Variants in COA1 observed in about 807,000 individuals in gnomAD.
The protein encoded by COA1 is cytochrome c oxidase assembly factor 1, also known as cytochrome c oxidase assembly factor 1 homolog.
A neutral mutation model predicts 16.0 loss-of-function variants in COA1; 13 were observed. That is an observed-to-expected ratio of 0.81 (90% CI 0.53 to 1.29). COA1 has a LOEUF of 1.29. Ranked by LOEUF, COA1 falls within the 50% of genes most tolerant of loss-of-function variation. The pLI is 0.00. For missense variants in COA1, 179 were observed against 177.0 expected (o/e 1.01, Z -0.06); for synonymous variants, 65 against 65.7 (o/e 0.99, Z 0.05).
intron 1 of COA1, among the ~76,000 whole-genome samples, chr7:43,651,591 G>A (rs2090786873): frequency 6.6e-6 from 1 of 151,350 alleles, no homozygotes; most frequent in African/African-American, 2.4e-5. Flanking sequence ...AACAGCCAGG[G>A]AGTTCAAGCC....
chr7:43,648,552 AC>A, intron 2 of COA1, 47 bp downstream of exon 2: 6 of 1,601,824 alleles, frequency 3.7e-6, no homozygotes, highest in Non-Finnish European at 5.1e-6. Flanking sequence ...ACTCGAGAAT[AC>A]CCTGGCAGGT....
At chr7:43,697,124 AC>A in intron 1 of COA1, among the ~76,000 whole-genome samples, 1 of 151,668 alleles carries the variant, frequency 6.6e-6, no homozygotes. Context: ...ATCTCAAAAA[AC>A]AAAAAACAAA....
At chr7:43,708,841 C>A (rs1314113218) in intron 1 of COA1, among the ~76,000 whole-genome samples, 2 of 152,112 alleles carry the variant, frequency 1.3e-5, no homozygotes, top group East Asian at 1.9e-4. Flanking sequence ...AGAGTTGCAA[C>A]CATCTTTTCC....
At chr7:43,706,794 T>C (rs2094997829) in intron 1 of COA1, among the ~76,000 whole-genome samples, 1 of 150,494 alleles carries the variant, frequency 6.6e-6, no homozygotes, top group Non-Finnish European at 1.5e-5. Context: ...TGCTTGAGTC[T>C]GGGAGGCTGA....
intron 1 of COA1, among the ~76,000 whole-genome samples, chr7:43,673,632 C>A (rs1197201287): frequency 6.6e-6 from 1 of 152,284 alleles, no homozygotes; most frequent in East Asian, 1.9e-4. Flanking sequence ...ACCCAGCAAT[C>A]TCATTATTGC....
intron 1 of COA1, among the ~76,000 whole-genome samples, chr7:43,715,379 G>A (rs1585411138): frequency 6.6e-6 from 1 of 151,950 alleles, no homozygotes; most frequent in East Asian, 1.9e-4. Context: ...TCGGAAGGCT[G>A]AGGCAGGAGA....
intron 3 of COA1, 191 bp downstream of exon 3, chr7:43,647,344 G>A (rs1056854423): frequency 1.5e-5 from 9 of 601,294 alleles, no homozygotes; most frequent in East Asian, 8.3e-5. Context: ...ATTTGTACTC[G>A]TTGCTCCTGG....
intron 1 of COA1, 133 bp from the exon 2 acceptor site, chr7:43,648,785 A>G: frequency 1.5e-6 from 1 of 654,418 alleles, no homozygotes; most frequent in South Asian, 2.3e-5. Flanking sequence ...ACTCTAAAAC[A>G]AGCCTTGTCT....
chr7:43,683,499 T>G (rs917131131), intron 1 of COA1, among the ~76,000 whole-genome samples: 19 of 152,020 alleles, frequency 1.2e-4, no homozygotes, highest in African/African-American at 3.9e-4. Context: ...CCAGGCATGG[T>G]GGCAGGCACC....
chr7:43,663,872 C>T (rs1376327322), intron 1 of COA1, among the ~76,000 whole-genome samples: 6 of 151,900 alleles, frequency 3.9e-5, no homozygotes, highest in South Asian at 4.2e-4. Context: ...ACACTTTGGG[C>T]GGCCAAGGCA....
intron 1 of COA1, among the ~76,000 whole-genome samples, chr7:43,704,663 T>C (rs1291299438): frequency 6.6e-6 from 1 of 152,202 alleles, no homozygotes; most frequent in Non-Finnish European, 1.5e-5. Context: ...TTCTGGAAGT[T>C]CAGTTTGGTT....
chr7:43,694,543 G>A (rs1326044417), intron 1 of COA1, among the ~76,000 whole-genome samples: 2 of 152,106 alleles, frequency 1.3e-5, no homozygotes, highest in Non-Finnish European at 1.5e-5. Flanking sequence ...CCATACAGCT[G>A]AGCAGTCCTT....
chr7:43,636,258 C>T (rs972376895), downstream of COA1, among the ~76,000 whole-genome samples: 1 of 152,172 alleles, frequency 6.6e-6, no homozygotes, highest in African/African-American at 2.4e-5. Context: ...GAACCAGGAG[C>T]GCATTACTAA....
intron 3 of COA1, 44 bp from the exon 4 acceptor site, chr7:43,645,443 A>G: frequency 6.4e-7 from 1 of 1,574,396 alleles, no homozygotes; most frequent in Non-Finnish European, 8.7e-7. Flanking sequence ...GAACTTGGTC[A>G]GGTAGAATCT....
chr7:43,662,119 T>G (rs2092486758), intron 1 of COA1, among the ~76,000 whole-genome samples: 2 of 152,216 alleles, frequency 1.3e-5, no homozygotes, highest in African/African-American at 4.8e-5. Context: ...GTTTTGGTGT[T>G]GTATCAAAGA....
chr7:43,684,749 A>G (rs1417399930), intron 1 of COA1, among the ~76,000 whole-genome samples: 1 of 152,180 alleles, frequency 6.6e-6, no homozygotes, highest in Non-Finnish European at 1.5e-5. Flanking sequence ...TGCTTGCTCA[A>G]AAAGTGGCAC....
chr7:43,683,239 T>C (rs755766894), intron 1 of COA1, among the ~76,000 whole-genome samples: 5 of 152,186 alleles, frequency 3.3e-5, no homozygotes, highest in African/African-American at 4.8e-5. Flanking sequence ...AGAAAAGTCA[T>C]ATAGTTGTGT....
intron 1 of COA1, among the ~76,000 whole-genome samples, chr7:43,727,899 G>C (rs945046494): frequency 1.3e-5 from 2 of 151,816 alleles, no homozygotes; most frequent in African/African-American, 4.8e-5. Flanking sequence ...AGGTGAAGAA[G>C]ATTACAGCAT....
At chr7:43,647,962 C>A in intron 2 of COA1, 1 of 285,134 alleles carries the variant, frequency 3.5e-6, no homozygotes, top group East Asian at 6.8e-5. Flanking sequence ...CCCCGCATGG[C>A]CAGGAAGCAC....
Sources: gnomAD v4.1 joint callset for allele counts (sites outside exome capture counted in the v4.1 genomes callset) on GRCh38, gnomAD v4.1.1 for gene constraint, MANE v1.5 for transcripts, NCBI Gene and HGNC (gene_info 2026-07-23, HGNC 2026-07-21) for gene names.